Variants in STK40 observed in about 807,000 individuals in gnomAD.
STK40 encodes the protein serine/threonine-protein kinase 40.
In STK40, 13 loss-of-function variants were observed where a neutral mutation model predicts 47.9. That is an observed-to-expected ratio of 0.27 (90% CI 0.18 to 0.43). The LOEUF (loss-of-function observed/expected upper bound fraction) is 0.43, where lower values mean the gene tolerates loss of function less well. Ranked by LOEUF, STK40 falls within the 20% of genes least tolerant of loss-of-function variation. The probability of loss-of-function intolerance (pLI) is 1.00; values close to 1 mark genes in which losing one functional copy is unlikely to be tolerated. For synonymous variants in STK40, 225 were observed against 243.2 expected (o/e 0.93, Z 0.69); for missense variants, 460 against 595.1 (o/e 0.77, Z 2.36).
chr1:36,358,213 G>C (rs367957252), intron 4 of STK40, 26 bp downstream of exon 4: 3 of 1,560,152 alleles, frequency 1.9e-6, no homozygotes, highest in African/African-American at 1.4e-5. Context: ...AGGTGAGCGC[G>C]AAGGGTGAGG....
chr1:36,366,672 C>T (rs1234010399), intron 1 of STK40, among the ~76,000 whole-genome samples: 2 of 152,104 alleles, frequency 1.3e-5, no homozygotes, highest in Non-Finnish European at 2.9e-5. Flanking sequence ...GATGATGCCC[C>T]AGCTACTCTG....
At chr1:36,356,029 C>G (rs1646800698) in intron 4 of STK40, among the ~76,000 whole-genome samples, 1 of 152,124 alleles carries the variant, frequency 6.6e-6, no homozygotes, top group Admixed American at 6.5e-5. Flanking sequence ...CTGCTGGGTT[C>G]AGGCCCCAGC....
chr1:36,359,953 C>T (rs1646837289), intron 2 of STK40, among the ~76,000 whole-genome samples: 1 of 152,212 alleles, frequency 6.6e-6, no homozygotes, highest in African/African-American at 2.4e-5. Context: ...GTTGCTGCTT[C>T]TCCTCCTCAG....
At chr1:36,385,105 G>C (rs1453607510) in intron 1 of STK40, among the ~76,000 whole-genome samples, 1 of 152,218 alleles carries the variant, frequency 6.6e-6, no homozygotes, top group East Asian at 1.9e-4. Flanking sequence ...GCTGGAAGGC[G>C]GGGCCAAGTG....
chr1:36,371,431 G>A (rs1646945967), intron 1 of STK40, among the ~76,000 whole-genome samples: 1 of 151,478 alleles, frequency 6.6e-6, no homozygotes, highest in East Asian at 2.0e-4. Flanking sequence ...GTGGGCGCCT[G>A]TAGTGCCAGC....
chr1:36,343,487 A>C (rs1646672647), intron 9 of STK40, 39 bp from the exon 10 acceptor site: 1 of 1,582,750 alleles, frequency 6.3e-7, no homozygotes, highest in Admixed American at 1.7e-5. Flanking sequence ...CCCCAGAGAG[A>C]CCAGGTCCAT....
chr1:36,358,445 C>G, intron 3 of STK40, 63 bp from the exon 4 acceptor site: 1 of 1,546,496 alleles, frequency 6.5e-7, no homozygotes, highest in Non-Finnish European at 8.8e-7. Flanking sequence ...GCAGAACAAC[C>G]AGAACGGGGG....
chr1:36,349,245 G>T (rs529009942), intron 6 of STK40, among the ~76,000 whole-genome samples: 6 of 152,206 alleles, frequency 3.9e-5, no homozygotes, highest in Admixed American at 3.9e-4. Context: ...TCCAGCAGAG[G>T]TGAGTGACTC....
At chr1:36,369,340 T>G (rs1646926211) in intron 1 of STK40, among the ~76,000 whole-genome samples, 5 of 152,094 alleles carry the variant, frequency 3.3e-5, no homozygotes, top group Admixed American at 6.5e-5. Flanking sequence ...CCTGTGTAAG[T>G]GGGGCTGGGC....
chr1:36,344,406 C>T (rs914373507), intron 7 of STK40, 142 bp from the exon 8 acceptor site: 48 of 1,101,812 alleles, frequency 4.4e-5, no homozygotes, highest in Non-Finnish European at 5.7e-5. Context: ...TGCCCGTGCT[C>T]CCCGCTCCCC....
intron 1 of STK40, among the ~76,000 whole-genome samples, chr1:36,378,482 C>T (rs376852117): frequency 3.3e-5 from 5 of 151,206 alleles, no homozygotes; most frequent in East Asian, 3.9e-4. Flanking sequence ...TTTTTTGAGA[C>T]GGAGTCTTGC....
chr1:36,351,537 A>G (rs1213212037), intron 6 of STK40, among the ~76,000 whole-genome samples: 1 of 152,160 alleles, frequency 6.6e-6, no homozygotes, highest in Non-Finnish European at 1.5e-5. Context: ...CCATGACTCA[A>G]GTAAAAGGCA....
At chr1:36,347,595 GCA>G (rs1646715174) in intron 7 of STK40, among the ~76,000 whole-genome samples, 2 of 152,188 alleles carry the variant, frequency 1.3e-5, no homozygotes, top group South Asian at 4.2e-4. Flanking sequence ...GTCACGCTCA[GCA>G]CAGTGTCTGG....
chr1:36,380,079 T>C (rs913531689), intron 1 of STK40, among the ~76,000 whole-genome samples: 2 of 152,210 alleles, frequency 1.3e-5, no homozygotes, highest in Admixed American at 1.3e-4. Context: ...ATCTCTAAGA[T>C]AGTAAGTAAA....
rs1442123911 is a variant in STK40, at chr1:36,340,452, C to T, written c.*1303G>A. 6.6e-6 allele frequency: 1 copy of T among 152,626 alleles called. No homozygotes were observed. Among genetic ancestry groups the T allele is most frequent in the South Asian group, 2.1e-4 (1 of 4,834 alleles). 9.5% of individuals were successfully genotyped at this position (152,626 alleles called of 1,614,324 possible). ...GGGCCAGGCAGGAGGGGCCTCAGGG[C>T]CCATGACTGCCTGGAGGGGACACTC... On this transcript the variant is annotated 3_prime_UTR_variant, in exon 11 of 11. Coordinates refer to ENST00000373132, the MANE Select transcript of STK40 (RefSeq NM_001282547.2).
At chr1:36,355,513 G>A (rs982743670) in intron 4 of STK40, 80 bp from the exon 5 acceptor site, 4 of 1,440,232 alleles carry the variant, frequency 2.8e-6, no homozygotes, top group Non-Finnish European at 3.9e-6. Flanking sequence ...CTCCTCTGGA[G>A]TGGGACACTC....
At chr1:36,344,374 CCA>C in intron 7 of STK40, 110 bp from the exon 8 acceptor site, 1 of 1,401,446 alleles carries the variant, frequency 7.1e-7, no homozygotes, top group Non-Finnish European at 9.4e-7. Flanking sequence ...TCCAGTCCCC[CCA>C]GAGTCGTCCT....
chr1:36,369,179 T>G (rs1394433988), intron 1 of STK40, among the ~76,000 whole-genome samples: 2 of 152,206 alleles, frequency 1.3e-5, no homozygotes, highest in Non-Finnish European at 2.9e-5. Context: ...GGGCGGGGCC[T>G]CCATGCAATC....
intron 1 of STK40, among the ~76,000 whole-genome samples, chr1:36,365,732 G>A (rs536096678): frequency 1.3e-5 from 2 of 152,190 alleles, no homozygotes; most frequent in South Asian, 4.1e-4. Flanking sequence ...ATAACCTCAT[G>A]ACCAGTGGGT....
Sources: gnomAD v4.1 joint callset for allele counts (sites outside exome capture counted in the v4.1 genomes callset) on GRCh38, gnomAD v4.1.1 for gene constraint, MANE v1.5 for transcripts, NCBI Gene and HGNC (gene_info 2026-07-23, HGNC 2026-07-21) for gene names.